The following PLCB1 variants were observed in gnomAD, a reference collection of about 807,000 sequenced individuals.
PLCB1 encodes 1-phosphatidylinositol 4,5-bisphosphate phosphodiesterase beta-1.
PLCB1 carries 46 observed loss-of-function variants against 161.8 expected under a neutral mutation model. That is an observed-to-expected ratio of 0.28 (90% confidence interval 0.22 to 0.36). PLCB1 has a LOEUF of 0.36. Among genes scored for constraint, PLCB1 ranks in the 10% least tolerant of loss-of-function variants. The pLI, the probability that PLCB1 is intolerant of heterozygous loss-of-function variation, is 1.00. For missense variants in PLCB1, 1,016 were observed against 1,472.5 expected, an observed-to-expected ratio of 0.69 and a Z score of 5.07; for synonymous variants, 517 against 503.7, an observed-to-expected ratio of 1.03 and a Z score of -0.35.
chr20:8,518,533 C>G (rs1201682527), intron 3 of PLCB1, among the ~76,000 whole-genome samples: 3 of 99,136 alleles, frequency 3.0e-5, no homozygotes, highest in African/African-American at 8.5e-5. Context: ...AGAACATTGT[C>G]AGTTTCAGAG....
chr20:8,525,960 C>G (rs1052657278), intron 3 of PLCB1, among the ~76,000 whole-genome samples: 2 of 151,830 alleles, frequency 1.3e-5, no homozygotes, highest in African/African-American at 4.8e-5. Flanking sequence ...ATACTTGAAG[C>G]CTGTGTTACT....
At chr20:8,281,816 TACA>T (rs952699104) in intron 2 of PLCB1, among the ~76,000 whole-genome samples, 5 of 152,164 alleles carry the variant, frequency 3.3e-5, no homozygotes, top group Non-Finnish European at 7.4e-5. Flanking sequence ...ACATACCTAC[TACA>T]ACAACAGGGA....
chr20:8,339,283 G>A (rs1985710254), intron 2 of PLCB1, among the ~76,000 whole-genome samples: 1 of 152,142 alleles, frequency 6.6e-6, no homozygotes, highest in African/African-American at 2.4e-5. Context: ...AACAAAGATG[G>A]TCTTGATCAC....
At chr20:8,745,707 G>A (rs1485387422) in intron 23 of PLCB1, among the ~76,000 whole-genome samples, 1 of 151,994 alleles carries the variant, frequency 6.6e-6, no homozygotes, top group Non-Finnish European at 1.5e-5. Flanking sequence ...GATTTATTTT[G>A]TCTTTGTAAA....
chr20:8,531,221 A>G (rs1318913516), intron 3 of PLCB1, among the ~76,000 whole-genome samples: 2 of 152,066 alleles, frequency 1.3e-5, no homozygotes, highest in Non-Finnish European at 2.9e-5. Flanking sequence ...AGACCCATGT[A>G]ACAAAAGACC....
At chr20:8,297,293 T>C (rs1278762276) in intron 2 of PLCB1, among the ~76,000 whole-genome samples, 3 of 152,144 alleles carry the variant, frequency 2.0e-5, no homozygotes, top group Admixed American at 6.5e-5. Flanking sequence ...GGACCTAGTA[T>C]GCGACTATAC....
At chr20:8,822,493 G>A (rs918519072) in intron 31 of PLCB1, among the ~76,000 whole-genome samples, 9 of 152,172 alleles carry the variant, frequency 5.9e-5, no homozygotes, top group Admixed American at 3.9e-4. Context: ...CTGTGGGTAG[G>A]ATTCTGGGCA....
rs180798475 is a variant in PLCB1 at position 8,353,431 on chromosome 20, T to A, written c.178-17951T>A. Among the ~76,000 whole-genome samples the A allele has an allele frequency of 2.3e-3, 353 of 152,212 alleles. 1 individual carries two copies. The highest frequency in any genetic ancestry group is 3.9e-3 in the Non-Finnish European group (265 of 67,980). On this transcript the variant is annotated intron_variant, in intron 2 of 31. Coordinates refer to ENST00000338037, the MANE Select transcript of PLCB1 (RefSeq NM_015192.4). ...CCTTCTCTTAAGTGTGGGATTCACA[T>A]AGCAACTTCCTGCAAAAAAAGCACA...
At position 8,367,493 on chromosome 20, in the gene PLCB1, G is replaced by A. The variant is rs1345882758; in HGVS notation, c.178-3889G>A. 3.3e-5 allele frequency among the ~76,000 whole-genome samples: 5 copies of A among 152,128 alleles called. No individual in the cohort carries two copies. The East Asian group carries it at 7.7e-4, about 23-fold the overall frequency. Reference sequence around the variant, plus strand: ...GCTACAGTTGGAGAGCCACTGATACGGAAGGTATGATCATACCCATTTAAT... The same window carrying A: ...GCTACAGTTGGAGAGCCACTGATACAGAAGGTATGATCATACCCATTTAAT... On this transcript the variant is annotated intron_variant, in intron 2 of 31. Coordinates refer to ENST00000338037, the MANE Select transcript of PLCB1 (RefSeq NM_015192.4).
intron 3 of PLCB1, among the ~76,000 whole-genome samples, chr20:8,541,600 G>GAAAGAAAGAAATAAAGAAATAAAGAAAT (rs1292981718): frequency 1.3e-5 from 2 of 150,646 alleles, no homozygotes; most frequent in Non-Finnish European, 3.0e-5. Flanking sequence ...AAGAAAGAAA[G>GAAAGAAAGAAATAAAGAAATAAAGAAAT]AAAGAAAGGA....
chr20:8,607,157 C>G (rs1436007262), intron 3 of PLCB1, among the ~76,000 whole-genome samples: 1 of 152,168 alleles, frequency 6.6e-6, no homozygotes, highest in Non-Finnish European at 1.5e-5. Flanking sequence ...TCAGCCAGGC[C>G]TGTTGCCTCC....
At chr20:8,627,666 T>C (rs1988395434) in intron 3 of PLCB1, among the ~76,000 whole-genome samples, 2 of 152,226 alleles carry the variant, frequency 1.3e-5, no homozygotes, top group Admixed American at 1.3e-4. Context: ...CTCCAAAGGA[T>C]TTCCATTTAT....
chr20:8,398,552 A>G (rs1217442909), intron 3 of PLCB1, among the ~76,000 whole-genome samples: 1 of 152,150 alleles, frequency 6.6e-6, no homozygotes, highest in East Asian at 1.9e-4. Context: ...GAGTCCTCAC[A>G]TAGGGGAAAG....
At chr20:8,295,858 C>T (rs1482282174) in intron 2 of PLCB1, among the ~76,000 whole-genome samples, 2 of 152,056 alleles carry the variant, frequency 1.3e-5, no homozygotes, top group Non-Finnish European at 2.9e-5. Context: ...TACAGTTGCA[C>T]ACCACCACGC....
At chr20:8,744,616 T>TAAATAAAATAAAATA (rs11474419) in intron 23 of PLCB1, among the ~76,000 whole-genome samples, 3,026 of 121,136 alleles carry the variant, frequency 0.025, 114 homozygotes, top group African/African-American at 0.068. Context: ...AAAAATAAAA[T>TAAATAAAATAAAATA]AAATAAAATA....
At chr20:8,789,470 CA>C (rs1310496249) in intron 29 of PLCB1, 47 bp from the exon 30 acceptor site, 18 of 1,213,942 alleles carry the variant, frequency 1.5e-5, no homozygotes, top group Non-Finnish European at 2.2e-5. Flanking sequence ...TACCATTTGT[CA>C]ATTCTGGATG....
intron 23 of PLCB1, among the ~76,000 whole-genome samples, chr20:8,754,087 C>T (rs942575844): frequency 6.6e-6 from 1 of 152,168 alleles, no homozygotes; most frequent in Non-Finnish European, 1.5e-5. Flanking sequence ...CCCACTTTAT[C>T]CCCGACTGCA....
chr20:8,557,773 C>A (rs1469657784), intron 3 of PLCB1, among the ~76,000 whole-genome samples: 1 of 151,716 alleles, frequency 6.6e-6, no homozygotes, highest in Non-Finnish European at 1.5e-5. Flanking sequence ...AACTCCAACC[C>A]ACAGCAAGCA....
chr20:8,397,723 TG>T (rs536118062), intron 3 of PLCB1, among the ~76,000 whole-genome samples: 2 of 152,168 alleles, frequency 1.3e-5, no homozygotes, highest in Non-Finnish European at 2.9e-5. Context: ...ATTCTATCTA[TG>T]TGCTTTTATA....
Sources: gnomAD v4.1 joint callset for allele counts (sites outside exome capture counted in the v4.1 genomes callset) on GRCh38, gnomAD v4.1.1 for gene constraint, MANE v1.5 for transcripts, NCBI Gene and HGNC (gene_info 2026-07-23, HGNC 2026-07-21) for gene names.